STRAP: variants seen among roughly 807,000 people sequenced by gnomAD.
The protein encoded by STRAP is serine/threonine kinase receptor associated protein.
STRAP carries 16 observed loss-of-function variants against 47.0 expected under a neutral mutation model. That is an observed-to-expected ratio of 0.34 (90% CI 0.23 to 0.52). The LOEUF (loss-of-function observed/expected upper bound fraction) is 0.52, where lower values mean the gene tolerates loss of function less well. Ranked by LOEUF, STRAP falls within the 20% of genes least tolerant of loss-of-function variation. STRAP has a pLI of 0.96. For synonymous variants in STRAP, 130 were observed against 142.7 expected (o/e 0.91, Z 0.63); for missense variants, 293 against 420.0 (o/e 0.70, Z 2.64).
chr12:15,883,557 A>G lies in STRAP; in HGVS notation c.129A>G (p.Leu43=), dbSNP rs1591981867. Residue 43 remains leucine, a synonymous_variant, in exon 2 of 10, where the codon CTA becomes CTG. Transcript: ENST00000419869. ...ATTTTCTAGATGGTAAACCTATGCT[A>G]CGCCAGGGAGATACAGGAGACTGGA... ...ISACKDGKPM[L]RQGDTGDWIG... is the part of the protein sequence containing the mutation. 1 of 1,613,716 alleles carries G rather than the reference A, an allele frequency of 6.2e-7. No homozygotes were observed. The highest frequency in any genetic ancestry group is 2.2e-5 in the East Asian group (1 of 44,890).
rs945821776 is a variant in STRAP, at chr12:15,882,656, A to G, written c.-52A>G. The G allele has an allele frequency of 7.4e-6, 11 of 1,493,780 alleles. No individual in the cohort carries two copies. The highest frequency in any genetic ancestry group is 9.1e-6 in the Non-Finnish European group (10 of 1,094,622). 92.5% of individuals were successfully genotyped at this position (1,493,780 alleles called of 1,614,324 possible). A position where few individuals can be genotyped will look rare whatever the true frequency, so the allele number is the denominator to read the frequency against. ...GAGGCACTGCAGCAGAAGAGAGAAA[A>G]GACAACGACGACCCTCAGCTCGCCA... On this transcript the variant is annotated 5_prime_UTR_variant, in exon 1 of 10. Coordinates refer to ENST00000419869, the MANE Select transcript of STRAP (RefSeq NM_007178.4).
chr12:15,898,304 T>C (rs1948076630), intron 7 of STRAP: 1 of 181,914 alleles, frequency 5.5e-6, no homozygotes, highest in African/African-American at 2.4e-5. Flanking sequence ...TTAGGCTTTA[T>C]TGGCTGGGAG....
chr12:15,886,574 G>A (rs1277424331), intron 2 of STRAP, among the ~76,000 whole-genome samples: 1 of 152,136 alleles, frequency 6.6e-6, no homozygotes, highest in Non-Finnish European at 1.5e-5. Flanking sequence ...CATAGTAGGT[G>A]CTCAATAAAT....
chr12:15,901,183 AAATACCTACTGC>A (rs1948100288), intron 9 of STRAP, among the ~76,000 whole-genome samples, 171 bp downstream of exon 9: 3 of 152,260 alleles, frequency 2.0e-5, no homozygotes, highest in Non-Finnish European at 4.4e-5. Flanking sequence ...CTAAATATTT[AAATACCTACTGC>A]ATAGTAGTAA....
intron 4 of STRAP, among the ~76,000 whole-genome samples, chr12:15,891,700 T>C (rs1324985091): frequency 6.6e-6 from 1 of 152,180 alleles, no homozygotes; most frequent in Non-Finnish European, 1.5e-5. Context: ...CCCAGTGCTT[T>C]GGGAGGCCAA....
chr12:15,892,468 T>A (rs1165634818), intron 4 of STRAP, among the ~76,000 whole-genome samples: 1 of 152,142 alleles, frequency 6.6e-6, no homozygotes, highest in African/African-American at 2.4e-5. Context: ...TAATTTTGTT[T>A]TATTATATAT....
chr12:15,902,568 T>G (rs769728271), intron 9 of STRAP, among the ~76,000 whole-genome samples: 11 of 152,256 alleles, frequency 7.2e-5, no homozygotes. Flanking sequence ...TATTAGGATT[T>G]GAATCACTAA....
rs143250325 is a variant in STRAP, at chr12:15,894,824, A to G, written c.501-535A>G. On this transcript the variant is annotated intron_variant, in intron 5 of 9. Coordinates refer to ENST00000419869, the MANE Select transcript of STRAP (RefSeq NM_007178.4). This position sits in a 1 kb window ranked among gnomAD's most constrained non-coding sequence, Gnocchi z 4.9. Reference sequence around the variant, plus strand: ...TTTTTTCTGGTCCCAAGTATTTTCAATTAAGGGATGCTCACCTTGTGTATA... The same window carrying G: ...TTTTTTCTGGTCCCAAGTATTTTCAGTTAAGGGATGCTCACCTTGTGTATA... 1.1e-4 allele frequency among the ~76,000 whole-genome samples: 17 copies of G among 152,328 alleles called. No homozygotes were observed. The highest frequency in any genetic ancestry group is 3.9e-4 in the Admixed American group (6 of 15,304).
At chr12:15,888,257 A>G (rs1010238546) in intron 2 of STRAP, among the ~76,000 whole-genome samples, 3 of 152,214 alleles carry the variant, frequency 2.0e-5, no homozygotes, top group African/African-American at 7.2e-5. Flanking sequence ...TATAAACAAG[A>G]ACATAGGAGC....
chr12:15,893,934 A>C (rs1565575710), intron 4 of STRAP, 113 bp from the exon 5 acceptor site: 1 of 822,076 alleles, frequency 1.2e-6, no homozygotes, highest in Non-Finnish European at 2.0e-6. Flanking sequence ...GGGCTTTGAA[A>C]AGTTGCAGTC....
chr12:15,901,698 T>A (rs1265756857), intron 9 of STRAP, among the ~76,000 whole-genome samples: 1 of 151,790 alleles, frequency 6.6e-6, no homozygotes, highest in Non-Finnish European at 1.5e-5. Context: ...CTGTCTCTAC[T>A]AAAAATACAA....
At chr12:15,885,205 T>TTTTTTTTTTTTTA (rs1257112484) in intron 2 of STRAP, among the ~76,000 whole-genome samples, 1 of 145,006 alleles carries the variant, frequency 6.9e-6, no homozygotes, top group African/African-American at 2.6e-5. Flanking sequence ...TTTTTTTTTT[T>TTTTTTTTTTTTTA]AAAGACAGAG....
intron 1 of STRAP, chr12:15,883,185 A>G: frequency 6.8e-7 from 1 of 1,480,320 alleles, no homozygotes. Flanking sequence ...TACCTTACAA[A>G]GACGTTCGCT....
chr12:15,897,381 T>G (rs1565576697), intron 6 of STRAP, among the ~76,000 whole-genome samples: 1 of 152,230 alleles, frequency 6.6e-6, no homozygotes, highest in Non-Finnish European at 1.5e-5. Flanking sequence ...AGAAACTGTT[T>G]TCAGCAGTTT....
At chr12:15,889,689 A>G (rs1300909498) in intron 2 of STRAP, among the ~76,000 whole-genome samples, 1 of 152,154 alleles carries the variant, frequency 6.6e-6, no homozygotes, top group Non-Finnish European at 1.5e-5. Flanking sequence ...TCCACTGTCA[A>G]AGAAAATTAG....
chr12:15,899,194 C>G (rs1591989602), intron 7 of STRAP, among the ~76,000 whole-genome samples: 2 of 152,284 alleles, frequency 1.3e-5, no homozygotes, highest in Non-Finnish European at 2.9e-5. Flanking sequence ...TGTACTCTTA[C>G]AACTTTTCTA....
Position 15,902,984 on chromosome 12 carries a change from A to C in STRAP, c.*6A>C. The C allele has an allele frequency of 7.1e-7, 1 of 1,411,430 alleles. No homozygotes were observed. The allele number at this position is 1,411,430 out of a possible 1,614,324, so 87.4% of individuals were successfully genotyped here. On this transcript the variant is annotated 3_prime_UTR_variant, in exon 10 of 10. Coordinates refer to ENST00000419869, the MANE Select transcript of STRAP (RefSeq NM_007178.4). ...CTCCTGATGTTAAGGCCTGAGCGTC[A>C]ATCATATGTGCAGTTAGTATACAAC...
chr12:15,885,985 G>A (rs1190235803), intron 2 of STRAP, among the ~76,000 whole-genome samples: 2 of 152,080 alleles, frequency 1.3e-5, no homozygotes, highest in African/African-American at 4.8e-5. Context: ...AACTAATATG[G>A]CTAAAGCCTT....
At position 15,894,505 on chromosome 12, in the gene STRAP, A is replaced by G. The variant is rs1451067716; in HGVS notation, c.500+362A>G. On this transcript the variant is annotated intron_variant, in intron 5 of 9. Coordinates refer to ENST00000419869, the MANE Select transcript of STRAP (RefSeq NM_007178.4). The surrounding 1 kb of genome is among the most constrained non-coding windows in gnomAD (Gnocchi z 4.9). ...TGCAAAATATTTTACCTTAGAGCTTATATTTTAAATACATTTAATATTATG... is the reference window on the plus strand; with the variant it reads ...TGCAAAATATTTTACCTTAGAGCTTGTATTTTAAATACATTTAATATTATG... 6.6e-6 allele frequency among the ~76,000 whole-genome samples: 1 copy of G among 152,222 alleles called. No homozygotes were observed. Among genetic ancestry groups the G allele is most frequent in the Non-Finnish European group, 1.5e-5 (1 of 68,030 alleles).
Sources: allele counts gnomAD v4.1 joint callset (sites outside exome capture counted in the v4.1 genomes callset), GRCh38; gene constraint gnomAD v4.1.1; non-coding constraint Gnocchi (gnomAD v3.1); transcripts MANE v1.5; gene names NCBI Gene and HGNC (gene_info 2026-07-23, HGNC 2026-07-21).